SCN3B: variants seen among roughly 807,000 people sequenced by gnomAD.
SCN3B encodes sodium voltage-gated channel beta subunit 3.
SCN3B carries 11 observed loss-of-function variants against 25.4 expected under a neutral mutation model. The ratio of observed to expected loss-of-function variants is 0.43; its 90% CI spans 0.27 to 0.72. The LOEUF (loss-of-function observed/expected upper bound fraction) is 0.72. SCN3B is among the 30% of genes least tolerant of loss of function. SCN3B has a pLI of 0.18. For missense variants in SCN3B, 218 were observed against 278.3 expected (o/e 0.78, Z 1.54); for synonymous variants, 109 against 110.7 (o/e 0.99, Z 0.09).
At chr11:123,650,445 C>A (rs899895441) in intron 2 of SCN3B, among the ~76,000 whole-genome samples, 1 of 152,192 alleles carries the variant, frequency 6.6e-6, no homozygotes, top group Non-Finnish European at 1.5e-5. Flanking sequence ...TGCTGACACC[C>A]TGACGTGACT....
chr11:123,647,070 GA>G (rs1565497571), intron 2 of SCN3B, among the ~76,000 whole-genome samples: 1 of 151,980 alleles, frequency 6.6e-6, no homozygotes, highest in Non-Finnish European at 1.5e-5. Flanking sequence ...AAAGTTATAA[GA>G]AAAAAATAAG....
At chr11:123,645,285 A>G (rs1486104889) in intron 3 of SCN3B, among the ~76,000 whole-genome samples, 1 of 152,184 alleles carries the variant, frequency 6.6e-6, no homozygotes, top group African/African-American at 2.4e-5. Context: ...AGAAGATTAG[A>G]TGAAAACACC....
chr11:123,653,640 G>A, intron 2 of SCN3B, 107 bp downstream of exon 2: 1 of 1,333,464 alleles, frequency 7.5e-7, no homozygotes, highest in Non-Finnish European at 1.1e-6. Flanking sequence ...TACGCACAGA[G>A]GCAAGCCAGC....
At chr11:123,651,086 T>C (rs1435243668) in intron 2 of SCN3B, among the ~76,000 whole-genome samples, 2 of 151,408 alleles carry the variant, frequency 1.3e-5, no homozygotes, top group Non-Finnish European at 2.9e-5. Context: ...ATTATTATTA[T>C]TTTATTGTAT....
In SCN3B at chr11:123,645,706, C is replaced by T. The variant is rs1287123925; in HGVS notation, c.100G>A (p.Glu34Lys). The change falls in exon 3 of 7, where the codon GAG (glutamate) becomes AAG (lysine). Residue 34 changes from glutamate (E) to lysine (K), a missense_variant. Physicochemically the swap from Glu to Lys is moderately conservative, Grantham distance 56. Coordinates refer to ENST00000299333, the MANE Select transcript of SCN3B (RefSeq NM_001040151.2). ...TTCATGGGGTTGCCCTGCACGGCCT[C>T]CGTCTCCGAGGGCACTTCCACACAC... ...PVCVEVPSET[E>K]AVQGNPMKLR... is the part of the protein sequence containing the mutation. 1 of 1,614,144 alleles carries T rather than the reference C, an allele frequency of 6.2e-7. No homozygotes were observed. The highest frequency in any genetic ancestry group is 1.6e-4 in the Middle Eastern group (1 of 6,062).
rs1955667227 is a variant in SCN3B, at chr11:123,631,152, T to C, written c.*2647A>G. On this transcript the variant is annotated 3_prime_UTR_variant, in exon 7 of 7. Transcript: ENST00000299333. ...AAAAGGAAGAGTGGGGAAGATAACCTGTCAAGGATAAATAAGTGATAGATA... is the reference window on the plus strand; with the variant it reads ...AAAAGGAAGAGTGGGGAAGATAACCCGTCAAGGATAAATAAGTGATAGATA... 6.6e-6 allele frequency: 1 copy of C among 152,154 alleles called. No homozygotes were observed. The highest frequency in any genetic ancestry group is 1.9e-4 in the East Asian group (1 of 5,196). 9.4% of individuals were successfully genotyped at this position (152,154 alleles called of 1,614,324 possible). A position where few individuals can be genotyped will look rare whatever the true frequency, so the allele number is the denominator to read the frequency against.
In SCN3B at chr11:123,629,642, A is replaced by G. The variant is rs567874540; in HGVS notation, c.*4157T>C. The G allele has an allele frequency of 1.3e-5, 2 of 152,284 alleles. No homozygotes were observed. Among genetic ancestry groups the G allele is most frequent in the Admixed American group, 6.5e-5 (1 of 15,272 alleles). The allele number at this position is 152,284 out of a possible 1,614,324, so 9.4% of individuals were successfully genotyped here. Reference sequence around the variant, plus strand: ...TTTCAGACCTGTGACTGCATGGCACACTAAAGGTCTAGGCTAGAGCTTGAC... The same window carrying G: ...TTTCAGACCTGTGACTGCATGGCACGCTAAAGGTCTAGGCTAGAGCTTGAC... On this transcript the variant is annotated 3_prime_UTR_variant, in exon 7 of 7. Coordinates refer to ENST00000299333, the MANE Select transcript of SCN3B (RefSeq NM_001040151.2).
chr11:123,652,970 C>T (rs779296662), intron 2 of SCN3B, among the ~76,000 whole-genome samples: 2 of 152,196 alleles, frequency 1.3e-5, no homozygotes, highest in African/African-American at 2.4e-5. Flanking sequence ...CCGTCTCTGA[C>T]ACTCTCTTCA....
intron 5 of SCN3B, among the ~76,000 whole-genome samples, chr11:123,634,927 T>C (rs1171592176): frequency 1.3e-5 from 2 of 152,240 alleles, no homozygotes; most frequent in East Asian, 3.8e-4. Context: ...AATCTCTTGT[T>C]TGTCTAGGAA....
chr11:123,640,404 AC>A (rs1375947339), intron 4 of SCN3B: 3 of 152,380 alleles, frequency 2.0e-5, no homozygotes, highest in African/African-American at 7.2e-5. Context: ...AACCAGGGAG[AC>A]CTTGTGGGAC....
intron 5 of SCN3B, among the ~76,000 whole-genome samples, chr11:123,637,691 G>A (rs1015699679): frequency 6.6e-6 from 1 of 151,976 alleles, no homozygotes; most frequent in Non-Finnish European, 1.5e-5. Flanking sequence ...ACCATGCCCA[G>A]CTAATTTTTT....
Position 123,642,066 on chromosome 11 carries a change from TC to T in SCN3B, c.445+379del, listed in dbSNP as rs1467200468. Among the ~76,000 whole-genome samples the T allele has an allele frequency of 6.6e-6, 1 of 152,184 alleles. No individual in the cohort carries two copies. Among genetic ancestry groups the T allele is most frequent in the Non-Finnish European group, 1.5e-5 (1 of 68,032 alleles). On this transcript the variant is annotated intron_variant, in intron 4 of 6. Coordinates refer to ENST00000299333, the MANE Select transcript of SCN3B (RefSeq NM_001040151.2). The surrounding 1 kb of genome is among the most constrained non-coding windows in gnomAD (Gnocchi z 4.3). Reference sequence around the variant, plus strand: ...CTTACAGGTAGAAGGAGAGATGACTTCCGGGTAACCTCATGAGATTTCTCTG... The same window carrying T: ...CTTACAGGTAGAAGGAGAGATGACTTCGGGTAACCTCATGAGATTTCTCTG...
chr11:123,644,836 T>A (rs1169271844), intron 3 of SCN3B, among the ~76,000 whole-genome samples: 2 of 129,870 alleles, frequency 1.5e-5, no homozygotes, highest in Admixed American at 1.6e-4. Context: ...TATATATATA[T>A]ATATACACAC....
At chr11:123,633,842 T>C in intron 6 of SCN3B, 66 bp from the exon 7 acceptor site, 2 of 390,538 alleles carry the variant, frequency 5.1e-6, no homozygotes, top group South Asian at 4.4e-5. Context: ...GCCCAAAAAT[T>C]CTTTGACCAA....
intron 5 of SCN3B, 130 bp downstream of exon 5, chr11:123,638,056 G>T: frequency 9.0e-7 from 1 of 1,107,222 alleles, no homozygotes; most frequent in South Asian, 1.3e-5. Flanking sequence ...TATAATAATG[G>T]TGCCTATCTC....
intron 2 of SCN3B, among the ~76,000 whole-genome samples, chr11:123,646,423 T>G (rs1054673973): frequency 1.3e-5 from 2 of 152,182 alleles, no homozygotes; most frequent in Non-Finnish European, 2.9e-5. Context: ...GTGTGAGGTA[T>G]CCAATGTTTT....
chr11:123,638,086 AG>A (rs1955749427), intron 5 of SCN3B, 99 bp downstream of exon 5: 1 of 1,350,694 alleles, frequency 7.4e-7, no homozygotes, highest in African/African-American at 1.4e-5. Flanking sequence ...GATCATGAAG[AG>A]GGTGGAGGAT....
chr11:123,645,539 A>G (rs1232187172), intron 3 of SCN3B, 48 bp downstream of exon 3: 1 of 1,601,654 alleles, frequency 6.2e-7, no homozygotes, highest in African/African-American at 1.3e-5. Context: ...CAGGCTGGGA[A>G]CAGCAGAGGC....
At chr11:123,653,933 G>T (rs1955962452) in intron 1 of SCN3B, 107 bp from the exon 2 acceptor site, 2 of 1,068,780 alleles carry the variant, frequency 1.9e-6, no homozygotes, top group Admixed American at 1.8e-5. Flanking sequence ...ACCGAAGGAA[G>T]GGCCGAGCAC....
Sources: gnomAD v4.1 joint callset for allele counts (sites outside exome capture counted in the v4.1 genomes callset) on GRCh38, gnomAD v4.1.1 for gene constraint, Gnocchi (gnomAD v3.1) non-coding constraint, MANE v1.5 for transcripts, NCBI Gene and HGNC (gene_info 2026-07-23, HGNC 2026-07-21) for gene names.